The following TMOD3 variants were observed in gnomAD, a reference collection of about 807,000 sequenced individuals.
The protein encoded by TMOD3 is tropomodulin-3.
Under a neutral mutation model 39.2 loss-of-function variants are expected in TMOD3, and 20 were observed. The observed-to-expected ratio is 0.51, with a 90% CI of 0.36 to 0.74. The LOEUF (loss-of-function observed/expected upper bound fraction) is 0.74. Ranked by LOEUF, TMOD3 falls within the 30% of genes least tolerant of loss-of-function variation. The pLI is 0.00. For missense variants in TMOD3, 381 were observed against 412.8 expected (o/e 0.92, Z 0.67); for synonymous variants, 143 against 145.8 (o/e 0.98, Z 0.14).
chr15:51,868,140 A>G (rs1005233350), intron 2 of TMOD3, among the ~76,000 whole-genome samples: 1 of 152,190 alleles, frequency 6.6e-6, no homozygotes, highest in African/African-American at 2.4e-5. Context: ...TTAATCTGAT[A>G]TCCTACTGTA....
chr15:51,844,216 C>G (rs913037421), intron 1 of TMOD3, among the ~76,000 whole-genome samples: 2 of 152,152 alleles, frequency 1.3e-5, no homozygotes, highest in African/African-American at 4.8e-5. Context: ...TCTTGTGGAT[C>G]CTTCCAGAGT....
At chr15:51,855,247 T>C (rs2056382305) in intron 1 of TMOD3, among the ~76,000 whole-genome samples, 1 of 152,236 alleles carries the variant, frequency 6.6e-6, no homozygotes, top group African/African-American at 2.4e-5. Flanking sequence ...GATCTCAAAG[T>C]ATAGTTCCTG....
At chr15:51,858,135 C>G (rs2056397477) in intron 1 of TMOD3, 1 of 152,144 alleles carries the variant, frequency 6.6e-6, no homozygotes, top group African/African-American at 2.4e-5. Flanking sequence ...TCACTGCAGC[C>G]TCAAACTTCT....
chr15:51,830,724 C>T (rs2056250738), intron 1 of TMOD3, among the ~76,000 whole-genome samples: 1 of 152,144 alleles, frequency 6.6e-6, no homozygotes, highest in Non-Finnish European at 1.5e-5. Context: ...CTCATGTCTC[C>T]TCTCCTTTTC....
intron 6 of TMOD3, among the ~76,000 whole-genome samples, chr15:51,895,475 C>G (rs1017266602): frequency 6.6e-6 from 1 of 152,132 alleles, no homozygotes; most frequent in African/African-American, 2.4e-5. Flanking sequence ...CCACCTTGGC[C>G]TCCCAAACTG....
chr15:51,904,463 C>A (rs1163363979), intron 9 of TMOD3, among the ~76,000 whole-genome samples: 1 of 152,138 alleles, frequency 6.6e-6, no homozygotes, highest in Non-Finnish European at 1.5e-5. Context: ...TTATAATTTT[C>A]TGGTACCTGA....
At chr15:51,856,099 C>CA (rs1179951133) in intron 1 of TMOD3, among the ~76,000 whole-genome samples, 1 of 152,038 alleles carries the variant, frequency 6.6e-6, no homozygotes, top group African/African-American at 2.4e-5. Context: ...ACTGTCTCTA[C>CA]AAAAAATACA....
At chr15:51,858,793 A>G (rs999253766) in intron 1 of TMOD3, among the ~76,000 whole-genome samples, 10 of 152,176 alleles carry the variant, frequency 6.6e-5, no homozygotes, top group Admixed American at 5.9e-4. Flanking sequence ...CTTTCCATGT[A>G]TTCTGGAAAA....
rs750616482 is a variant in TMOD3, at chr15:51,863,011, G to T, written c.126+1G>T. On this transcript the variant is annotated splice_donor_variant, in intron 2 of 9. Coordinates refer to ENST00000308580, the MANE Select transcript of TMOD3 (RefSeq NM_014547.5). LOFTEE classifies it high-confidence loss of function. Reference sequence around the variant, plus strand: ...TGTTTTGGATGATCTTGACCCCGAGGTAGGTGCTAGGTGATGAAGAGAAAT... The same window carrying T: ...TGTTTTGGATGATCTTGACCCCGAGTTAGGTGCTAGGTGATGAAGAGAAAT... The T allele has an allele frequency of 6.2e-7, 1 of 1,612,180 alleles. No individual in the cohort carries two copies. The highest frequency in any genetic ancestry group is 8.5e-7 in the Non-Finnish European group (1 of 1,179,250).
At chr15:51,902,217 T>A (rs2056654462) in intron 9 of TMOD3, among the ~76,000 whole-genome samples, 181 bp downstream of exon 9, 1 of 152,230 alleles carries the variant, frequency 6.6e-6, no homozygotes, top group African/African-American at 2.4e-5. Flanking sequence ...TTGTGATGAT[T>A]GGGTCAATGG....
intron 9 of TMOD3, among the ~76,000 whole-genome samples, chr15:51,902,514 A>G (rs1304215868): frequency 6.6e-6 from 1 of 152,126 alleles, no homozygotes; most frequent in East Asian, 1.9e-4. Context: ...CTGTGTTGCG[A>G]GGCAGGAGTG....
At chr15:51,907,641 A>T (rs146656004) in intron 9 of TMOD3, among the ~76,000 whole-genome samples, 142 of 152,356 alleles carry the variant, frequency 9.3e-4, no homozygotes, top group African/African-American at 3.3e-3. Flanking sequence ...TGACAGAGCC[A>T]TGATTCACTC....
At chr15:51,905,002 T>C (rs183557969) in intron 9 of TMOD3, among the ~76,000 whole-genome samples, 4 of 152,300 alleles carry the variant, frequency 2.6e-5, no homozygotes, top group Admixed American at 1.3e-4. Context: ...TTTTCAAACG[T>C]GGGTCTCATG....
At chr15:51,835,329 G>T (rs145362206) in intron 1 of TMOD3, among the ~76,000 whole-genome samples, 1 of 152,106 alleles carries the variant, frequency 6.6e-6, no homozygotes, top group Non-Finnish European at 1.5e-5. Flanking sequence ...TTGAGACAAG[G>T]TCTCAATTTG....
At chr15:51,886,044 G>T (rs1229415146) in intron 3 of TMOD3, among the ~76,000 whole-genome samples, 1 of 151,498 alleles carries the variant, frequency 6.6e-6, no homozygotes, top group Non-Finnish European at 1.5e-5. Flanking sequence ...CTGCCGGGCG[G>T]AGGGGCTCCT....
chr15:51,854,691 C>G (rs952873343), intron 1 of TMOD3, among the ~76,000 whole-genome samples: 2 of 152,158 alleles, frequency 1.3e-5, no homozygotes, highest in African/African-American at 4.8e-5. Context: ...GTCGGGCCTC[C>G]TAGTGTTAAT....
At chr15:51,884,991 G>T (rs556887420) in intron 3 of TMOD3, among the ~76,000 whole-genome samples, 6 of 152,144 alleles carry the variant, frequency 3.9e-5, no homozygotes, top group African/African-American at 1.4e-4. Flanking sequence ...ACCCCAGTCA[G>T]ACCTGCTGCA....
chr15:51,882,786 G>T (rs1310193512), intron 3 of TMOD3, among the ~76,000 whole-genome samples: 2 of 151,822 alleles, frequency 1.3e-5, no homozygotes, highest in Non-Finnish European at 1.5e-5. Flanking sequence ...GGGTTTCCAT[G>T]TGAATTTTAG....
At chr15:51,901,816 C>T in intron 8 of TMOD3, 76 bp from the exon 9 acceptor site, 2 of 1,445,958 alleles carry the variant, frequency 1.4e-6, no homozygotes, top group South Asian at 2.5e-5. Context: ...TAGCATGTGC[C>T]TGAATGTCTT....
Sources: allele counts gnomAD v4.1 joint callset (sites outside exome capture counted in the v4.1 genomes callset), GRCh38; gene constraint gnomAD v4.1.1; transcripts MANE v1.5; gene names NCBI Gene and HGNC (gene_info 2026-07-23, HGNC 2026-07-21).